TRIM31: variants seen among roughly 807,000 people sequenced by gnomAD.
TRIM31 encodes E3 ubiquitin-protein ligase TRIM31.
TRIM31 carries 31 observed loss-of-function variants against 40.6 expected under a neutral mutation model. The observed-to-expected ratio is 0.76, with a 90% CI of 0.57 to 1.03. TRIM31 has a LOEUF of 1.03. TRIM31 is among the 50% of genes least tolerant of loss of function. TRIM31 has a pLI of 0.00. For synonymous variants in TRIM31, 164 were observed against 193.9 expected, an observed-to-expected ratio of 0.85 and a Z score of 1.28; for missense variants, 455 against 497.5, an observed-to-expected ratio of 0.91 and a Z score of 0.81.
At chr6:30,106,311 C>G (rs1768687054) in intron 6 of TRIM31, among the ~76,000 whole-genome samples, 1 of 152,158 alleles carries the variant, frequency 6.6e-6, no homozygotes, top group Non-Finnish European at 1.5e-5. Context: ...CGCGGGGGCC[C>G]TCTTAGGAGG....
chr6:30,108,918 G>A lies in TRIM31; in HGVS notation c.767+108C>T, dbSNP rs116365171. 622 of 1,162,808 alleles carry A rather than the reference G, an allele frequency of 5.3e-4. 4 individuals carry two copies. Among genetic ancestry groups the A allele is most frequent in the African/African-American group, 3.2e-3 (213 of 66,442 alleles). 72.0% of individuals were successfully genotyped at this position (1,162,808 alleles called of 1,614,324 possible). On this transcript the variant is annotated intron_variant, in intron 5 of 8. Coordinates refer to ENST00000376734, the MANE Select transcript of TRIM31 (RefSeq NM_007028.5). ...TAAATGTATGAATGCAGAGTTAGAG[G>A]TGGGTGGGTATTTCTGAGAGAGGAA...
chr6:30,106,305 G>A (rs1265147227), intron 6 of TRIM31, among the ~76,000 whole-genome samples: 1 of 152,186 alleles, frequency 6.6e-6, no homozygotes, highest in African/African-American at 2.4e-5. Flanking sequence ...GGGAGACGCG[G>A]GGGCCCTCTT....
At position 30,111,659 on chromosome 6, in the gene TRIM31, C is replaced by A. The variant is rs1474849020; in HGVS notation, c.502G>T (p.Asp168Tyr). The change falls in exon 3 of 9, where the codon GAT becomes TAT. Residue 168 changes from aspartate to tyrosine, a missense_variant. Asp to Tyr is a radical substitution (Grantham distance 160, BLOSUM62 -3). Coordinates refer to ENST00000376734, the MANE Select transcript of TRIM31 (RefSeq NM_007028.5). The stretch of plus-strand genomic sequence containing the variant: ...GGAGTTTTTCTTACCGTGAAGACAT[C>A]GACCCTGTGTACACCTTGTGCCTTC... ...QVKAQGVHRV[D>Y]VFTDQVEHEK... is the part of the protein sequence containing the mutation. The A allele has an allele frequency of 6.2e-7, 1 of 1,614,096 alleles. No homozygotes were observed. The highest frequency in any genetic ancestry group is 2.2e-5 in the East Asian group (1 of 44,872).
chr6:30,109,298 G>C (rs1176692638), intron 4 of TRIM31, among the ~76,000 whole-genome samples: 1 of 151,710 alleles, frequency 6.6e-6, no homozygotes, highest in Non-Finnish European at 1.5e-5. Context: ...GTGAGATTTA[G>C]AAGATGAATT....
chr6:30,110,572 C>A lies in TRIM31; in HGVS notation c.620G>T (p.Gly207Val). Reference protein sequence around the residue: ...NFLLSRIYWLGHEGTEAGKHY... With the variant: ...NFLLSRIYWLVHEGTEAGKHY... ...TTTCCCCGCTTCCGTTCCCTCATGA[C>A]CCAGCCAGTAAATCCGTGATAGCAG... The change falls in exon 4 of 9, where the codon GGT (glycine) becomes GTT (valine). Residue 207 changes from glycine (G) to valine (V), a missense_variant. Physicochemically the swap from Gly to Val is moderately radical, Grantham distance 109 (BLOSUM62 -3). Coordinates refer to ENST00000376734, the MANE Select transcript of TRIM31 (RefSeq NM_007028.5). 6.2e-7 allele frequency: 1 copy of A among 1,614,182 alleles called. No individual in the cohort carries two copies. The highest frequency in any genetic ancestry group is 8.5e-7 in the Non-Finnish European group (1 of 1,180,034).
chr6:30,107,070 A>G (rs1471787673), intron 6 of TRIM31, among the ~76,000 whole-genome samples: 1 of 152,200 alleles, frequency 6.6e-6, no homozygotes, highest in Non-Finnish European at 1.5e-5. Context: ...ACTGCACTCT[A>G]TCCTGGGCAA....
At chr6:30,104,891 CCTT>C (rs78710609) in intron 7 of TRIM31, among the ~76,000 whole-genome samples, 4,909 of 152,294 alleles carry the variant, frequency 0.032, 84 homozygotes, top group Non-Finnish European at 0.041. Flanking sequence ...GGAGCTGCCT[CCTT>C]CTTGTCCCAC....
At chr6:30,104,703 T>G (rs1768511781) in intron 7 of TRIM31, among the ~76,000 whole-genome samples, 1 of 152,194 alleles carries the variant, frequency 6.6e-6, no homozygotes, top group South Asian at 2.1e-4. Flanking sequence ...CACATAGTGG[T>G]CCTTTAAGAA....
At chr6:30,106,905 C>T (rs539064907) in intron 6 of TRIM31, among the ~76,000 whole-genome samples, 1 of 152,290 alleles carries the variant, frequency 6.6e-6, no homozygotes, top group Non-Finnish European at 1.5e-5. Flanking sequence ...TCGAGACCAG[C>T]TTGACCAACC....
At chr6:30,104,447 G>A (rs1052039474) in intron 7 of TRIM31, among the ~76,000 whole-genome samples, 11 of 152,110 alleles carry the variant, frequency 7.2e-5, no homozygotes, top group South Asian at 2.1e-4. Flanking sequence ...TCTAAACACC[G>A]GTAGCTCCTT....
Position 30,111,030 on chromosome 6 carries a change from C to CTTTTTTTTTTTTT in TRIM31, c.514-365_514-353dup, listed in dbSNP as rs9278578. On this transcript the variant is annotated intron_variant, in intron 3 of 8. Coordinates refer to ENST00000376734, the MANE Select transcript of TRIM31 (RefSeq NM_007028.5). ...CACAATGTCTTCATTTTCCTTCTGT[C>CTTTTTTTTTTTTT]TTTTTTTTTTTTTTTTTTTGAGACA... Among the ~76,000 whole-genome samples, 176 of 114,272 alleles carry CTTTTTTTTTTTTT rather than the reference C, an allele frequency of 1.5e-3. 1 individual carries two copies. The highest frequency in any genetic ancestry group is 2.6e-3 in the Non-Finnish European group (147 of 56,178). The allele number at this position is 114,272 out of a possible 152,430, so 75.0% of individuals were successfully genotyped here. A position where few individuals can be genotyped will look rare whatever the true frequency, so the allele number is the denominator to read the frequency against.
Position 30,103,325 on chromosome 6 carries a change from C to T in TRIM31, c.*211G>A. ...GAGATTGTCTCTTCCCCTCCTTTTGCTCAAGAATTCGTCCATTCCTTCTCC... is the reference window on the plus strand; with the variant it reads ...GAGATTGTCTCTTCCCCTCCTTTTGTTCAAGAATTCGTCCATTCCTTCTCC... On this transcript the variant is annotated 3_prime_UTR_variant, in exon 9 of 9. Transcript: ENST00000376734. 1.3e-6 allele frequency: 1 copy of T among 747,184 alleles called. No individual in the cohort carries two copies. Among genetic ancestry groups the T allele is most frequent in the Non-Finnish European group, 2.2e-6 (1 of 457,020 alleles). 46.3% of individuals were successfully genotyped at this position (747,184 alleles called of 1,614,324 possible).
At chr6:30,105,785 C>T (rs1768620108) in intron 6 of TRIM31, 1 of 152,336 alleles carries the variant, frequency 6.6e-6, no homozygotes, top group East Asian at 1.9e-4. Context: ...GCCCCTTTCT[C>T]ACTGCCTGAC....
intron 7 of TRIM31, 121 bp downstream of exon 7, chr6:30,105,047 A>G: frequency 2.4e-6 from 2 of 846,946 alleles, no homozygotes; most frequent in Non-Finnish European, 3.8e-6. Context: ...TGTTCTCTCA[A>G]TTGGCTGAGG....
rs186433829 is a variant in TRIM31, at chr6:30,111,786, T to A, written c.418-43A>T. 3.1e-6 allele frequency: 5 copies of A among 1,590,986 alleles called. No individual in the cohort carries two copies. In the African/African-American group the frequency reaches 5.4e-5, roughly 17 times the overall value. ...TTTGGACAGGCTGTGCCTGGAGATT[T>A]CTGGCCTCATAAAATCCTCCTGGTC... On this transcript the variant is annotated intron_variant, in intron 2 of 8. Coordinates refer to ENST00000376734, the MANE Select transcript of TRIM31 (RefSeq NM_007028.5).
In TRIM31 at chr6:30,112,592, G is replaced by T. The variant is rs34704616; in HGVS notation, c.214C>A (p.Arg72=). Residue 72 remains arginine, a synonymous_variant, in exon 2 of 9, where the codon CGG becomes AGG. Transcript: ENST00000376734. ...GCTTGGATTTTCTCCACCAGATTCC[G>T]CAACAGCGAGTTGAACCTGATTGCG... The part of the protein sequence containing the change: ...KNAIRFNSLL[R]NLVEKIQALQ... 1 of 1,612,922 alleles carries T rather than the reference G, an allele frequency of 6.2e-7. No homozygotes were observed. Among genetic ancestry groups the T allele is most frequent in the Non-Finnish European group, 8.5e-7 (1 of 1,180,042 alleles).
At chr6:30,111,777 C>T in intron 2 of TRIM31, 34 bp from the exon 3 acceptor site, 1 of 1,602,366 alleles carries the variant, frequency 6.2e-7, no homozygotes, top group South Asian at 1.1e-5. Flanking sequence ...CAGGCTGTGC[C>T]TGGAGATTTC....
chr6:30,111,581 G>C lies in TRIM31; in HGVS notation c.513+67C>G, dbSNP rs545219594. 9.6e-4 allele frequency: 1,441 copies of C among 1,501,660 alleles called. 2 individuals carry two copies. The highest frequency in any genetic ancestry group is 1.3e-3 in the Non-Finnish European group (1,357 of 1,080,604). 93.0% of individuals were successfully genotyped at this position (1,501,660 alleles called of 1,614,324 possible). A position where few individuals can be genotyped will look rare whatever the true frequency, so the allele number is the denominator to read the frequency against. On this transcript the variant is annotated intron_variant, in intron 3 of 8. Coordinates refer to ENST00000376734, the MANE Select transcript of TRIM31 (RefSeq NM_007028.5). The stretch of plus-strand genomic sequence containing the variant: ...CTTTTTCTGAGGGGTCAGTGTAATA[G>C]GGGATTCCAGGAGCTTTGGCAGAGA...
At position 30,103,599 on chromosome 6, in the gene TRIM31, A is replaced by C. The variant is rs751644208; in HGVS notation, c.1215T>G (p.His405Gln). The change falls in exon 9 of 9, where the codon CAT becomes CAG. Residue 405 changes from histidine (H) to glutamine (Q), a missense_variant. Transcript: ENST00000376734. Reference sequence around the variant, plus strand: ...CTGTCAGCCACTCACTCAGTGCCGCATGGAGCTCCTCGGACAGCGCAACGT... The same window carrying C: ...CTGTCAGCCACTCACTCAGTGCCGCCTGGAGCTCCTCGGACAGCGCAACGT... ...TFDVALSEEL[H>Q]AALSEWLTAI... 1.2e-6 allele frequency: 2 copies of C among 1,613,008 alleles called. No homozygotes were observed. The highest frequency in any genetic ancestry group is 1.7e-6 in the Non-Finnish European group (2 of 1,180,048).
Sources: allele counts gnomAD v4.1 joint callset (sites outside exome capture counted in the v4.1 genomes callset), GRCh38; gene constraint gnomAD v4.1.1; transcripts MANE v1.5; gene names NCBI Gene and HGNC (gene_info 2026-07-23, HGNC 2026-07-21).